Variants in RAB28 observed in about 807,000 individuals in gnomAD.
RAB28 encodes the protein ras-related protein Rab-28.
Under a neutral mutation model 31.7 loss-of-function variants are expected in RAB28, and 24 were observed. The observed-to-expected ratio is 0.76, with a 90% CI of 0.55 to 1.06. The LOEUF (loss-of-function observed/expected upper bound fraction) is 1.06. Ranked by LOEUF, RAB28 falls within the 50% of genes least tolerant of loss-of-function variation. The probability of loss-of-function intolerance (pLI) is 0.00; values close to 1 mark genes in which losing one functional copy is unlikely to be tolerated. For synonymous variants in RAB28, 100 were observed against 90.4 expected (o/e 1.11, Z -0.60); for missense variants, 254 against 258.5 (o/e 0.98, Z 0.12).
chr4:13,441,655 C>T (rs1298659651), intron 4 of RAB28, among the ~76,000 whole-genome samples: 3 of 152,210 alleles, frequency 2.0e-5, no homozygotes, highest in Non-Finnish European at 4.4e-5. Flanking sequence ...TTATCCATTG[C>T]ATGTGCAACA....
At chr4:13,478,983 A>T (rs1716488016) in intron 2 of RAB28, among the ~76,000 whole-genome samples, 1 of 151,664 alleles carries the variant, frequency 6.6e-6, no homozygotes, top group Non-Finnish European at 1.5e-5. Context: ...CACATATTAG[A>T]GCACAGAAGT....
At chr4:13,402,290 T>A (rs1163216345) in intron 4 of RAB28, among the ~76,000 whole-genome samples, 1 of 152,212 alleles carries the variant, frequency 6.6e-6, no homozygotes, top group Non-Finnish European at 1.5e-5. Flanking sequence ...TCCCTACTGA[T>A]TCTCAGTCTA....
Position 13,368,636 on chromosome 4 carries a change from T to C in RAB28, c.588A>G (p.Ala196=), listed in dbSNP as rs1462284373. 2 of 1,611,516 alleles carry C rather than the reference T, an allele frequency of 1.2e-6. No individual in the cohort carries two copies. ...GTTCCTGGTTGTAGTTTACAATATC[T>C]GCCTTCACCACCCTCTGTCATAAAA... ...EIEQSQRVVK[A]DIVNYNQEPM... Residue 196 remains alanine (A), a synonymous_variant, in exon 7 of 7, where the codon GCA becomes GCG. Coordinates refer to ENST00000330852, the MANE Select transcript of RAB28 (RefSeq NM_001017979.3).
intron 4 of RAB28, among the ~76,000 whole-genome samples, chr4:13,401,071 CATAAA>C (rs1009190356): frequency 6.6e-6 from 1 of 152,086 alleles, no homozygotes; most frequent in African/African-American, 2.4e-5. Context: ...ATATCGGTGT[CATAAA>C]ATAAGTTGGG....
At chr4:13,406,036 C>T (rs921123279) in intron 4 of RAB28, among the ~76,000 whole-genome samples, 28 of 152,032 alleles carry the variant, frequency 1.8e-4, no homozygotes, top group African/African-American at 6.5e-4. Flanking sequence ...AGTTTTGGGA[C>T]ACATGTGCAG....
At chr4:13,416,974 C>G (rs1049583167) in intron 4 of RAB28, among the ~76,000 whole-genome samples, 6 of 152,218 alleles carry the variant, frequency 3.9e-5, no homozygotes, top group African/African-American at 1.4e-4. Flanking sequence ...GGGGATTTCC[C>G]TTTCCTAGCC....
chr4:13,409,618 T>A (rs1712307808), intron 4 of RAB28, among the ~76,000 whole-genome samples: 1 of 152,142 alleles, frequency 6.6e-6, no homozygotes, highest in Admixed American at 6.5e-5. Context: ...ATCTATAAGG[T>A]CAGCTAGCAA....
At chr4:13,442,548 C>T (rs916354328) in intron 4 of RAB28, among the ~76,000 whole-genome samples, 4 of 150,544 alleles carry the variant, frequency 2.7e-5, no homozygotes, top group Non-Finnish European at 5.9e-5. Flanking sequence ...TAATTATAAC[C>T]AAAATTTTAA....
chr4:13,474,435 A>G (rs756128113), intron 2 of RAB28, 29 bp from the exon 3 acceptor site: 2 of 1,311,978 alleles, frequency 1.5e-6, no homozygotes, highest in Non-Finnish European at 2.2e-6. Context: ...ATATAAAAAT[A>G]AGAATACCAA....
chr4:13,396,863 C>T (rs1230626191), intron 4 of RAB28, among the ~76,000 whole-genome samples: 5 of 152,012 alleles, frequency 3.3e-5, no homozygotes, highest in East Asian at 1.9e-4. Context: ...TCCTTTTAAA[C>T]GTTTCATGAG....
chr4:13,396,014 T>C (rs1729860097), intron 4 of RAB28, among the ~76,000 whole-genome samples: 1 of 151,592 alleles, frequency 6.6e-6, no homozygotes, highest in Non-Finnish European at 1.5e-5. Flanking sequence ...TTGCTGTCGA[T>C]GGAAAAAAAA....
At chr4:13,448,109 GATAC>G (rs1714787371) in intron 4 of RAB28, among the ~76,000 whole-genome samples, 1 of 152,020 alleles carries the variant, frequency 6.6e-6, no homozygotes, top group Non-Finnish European at 1.5e-5. Context: ...AAAGTTTTCT[GATAC>G]CCAGTCTAGT....
chr4:13,470,451 T>C (rs950174788), intron 3 of RAB28, among the ~76,000 whole-genome samples: 12 of 152,078 alleles, frequency 7.9e-5, no homozygotes, highest in Middle Eastern at 3.2e-3. Flanking sequence ...AATCCTTTCA[T>C]TGGTACTTAA....
Position 13,381,577 on chromosome 4 carries a change from G to A in RAB28, c.409C>T (p.Arg137Ter), listed in dbSNP as rs398123044. The A allele has an allele frequency of 5.6e-6, 9 of 1,612,062 alleles. No individual in the cohort carries two copies. Among genetic ancestry groups the A allele is most frequent in the Non-Finnish European group, 7.6e-6 (9 of 1,178,968 alleles). ...AAGTGTTTTTCAGGTTTTATTGTTC[G>A]CATATGCTCCAAATCAACTAGAAAG... is the stretch of plus-strand genomic sequence containing the variant. Reference protein sequence around the residue: ...VGNKIDLEHMRTIKPEKHLRF... With the variant: ...VGNKIDLEHM The change falls in exon 5 of 7, where the codon CGA becomes TGA. Residue 137 changes from arginine (R) to a stop codon, truncating the protein, a stop_gained. Transcript: ENST00000330852. LOFTEE classifies it high-confidence loss of function.
At chr4:13,432,523 T>A (rs970340722) in intron 4 of RAB28, among the ~76,000 whole-genome samples, 5 of 151,772 alleles carry the variant, frequency 3.3e-5, no homozygotes, top group African/African-American at 9.7e-5. Flanking sequence ...AGAAAAAAAA[T>A]CTTAGAGGCA....
rs35547595 is a variant in RAB28 at position 13,428,944 on chromosome 4, CT to C, written c.391+31754del. 7.7e-3 allele frequency among the ~76,000 whole-genome samples: 1,034 copies of C among 133,498 alleles called. 8 individuals are homozygous for C. Among genetic ancestry groups the C allele is most frequent in the African/African-American group, 0.023 (863 of 36,760 alleles). 87.6% of individuals were successfully genotyped at this position (133,498 alleles called of 152,430 possible). A position where few individuals can be genotyped will look rare whatever the true frequency, so the allele number is the denominator to read the frequency against. Reference sequence around the variant, plus strand: ...CAAAAATTCTAATACTCTAATTTCACTTTTTTTTTTTTTTTTTTGAGACAGA... The same window carrying C: ...CAAAAATTCTAATACTCTAATTTCACTTTTTTTTTTTTTTTTTGAGACAGA... On this transcript the variant is annotated intron_variant, in intron 4 of 6. Coordinates refer to ENST00000330852, the MANE Select transcript of RAB28 (RefSeq NM_001017979.3).
rs912007872 is a variant in RAB28, at chr4:13,417,532, G to A, written c.392-35938C>T. On this transcript the variant is annotated intron_variant, in intron 4 of 6. Coordinates refer to ENST00000330852, the MANE Select transcript of RAB28 (RefSeq NM_001017979.3). The stretch of plus-strand genomic sequence containing the variant: ...GTACAGGCAGGTGCCCTTCTGGGAC[G>A]AAGCTTACAGAGGAAGGATCAGGCA... Among the ~76,000 whole-genome samples the A allele has an allele frequency of 3.9e-5, 6 of 152,188 alleles. 1 individual carries two copies. In the East Asian group the frequency reaches 7.7e-4, roughly 20 times the overall value.
chr4:13,476,481 T>C (rs11729004), intron 2 of RAB28, among the ~76,000 whole-genome samples: 3,582 of 151,698 alleles, frequency 0.024, 57 homozygotes, highest in African/African-American at 0.044. Context: ...TTAGTTTCAA[T>C]AAATGATATT....
intron 4 of RAB28, among the ~76,000 whole-genome samples, chr4:13,415,567 C>T (rs1712718976): frequency 6.6e-6 from 1 of 152,110 alleles, no homozygotes; most frequent in Non-Finnish European, 1.5e-5. Flanking sequence ...GTGCTGGGTC[C>T]CCCAGCAGTG....
Sources: gnomAD v4.1 joint callset for allele counts (sites outside exome capture counted in the v4.1 genomes callset) on GRCh38, gnomAD v4.1.1 for gene constraint, MANE v1.5 for transcripts, NCBI Gene and HGNC (gene_info 2026-07-23, HGNC 2026-07-21) for gene names.